ING1: variants seen among roughly 807,000 people sequenced by gnomAD.
The protein encoded by ING1 is inhibitor of growth protein 1.
ING1 carries 4 observed loss-of-function variants against 23.1 expected under a neutral mutation model. The ratio of observed to expected loss-of-function variants is 0.17; its 90% CI spans 0.09 to 0.40. ING1 has a LOEUF of 0.40. ING1 is among the 10% of genes least tolerant of loss of function. ING1 has a pLI of 1.00. For synonymous variants in ING1, 179 were observed against 166.4 expected, an observed-to-expected ratio of 1.08 and a Z score of -0.58; for missense variants, 256 against 393.8, an observed-to-expected ratio of 0.65 and a Z score of 2.96.
rs762064751 is a variant in ING1 at position 110,719,600 on chromosome 13, G to C, written c.508G>C (p.Asp170His). The change falls in exon 2 of 2, where the codon GAC becomes CAC. Residue 170 changes from aspartate (D) to histidine (H), a missense_variant. Transcript: ENST00000333219. The surrounding 1 kb of genome is among the most constrained non-coding windows in gnomAD (Gnocchi z 8.9). ...ENASSNHDHD[D>H]GASGTPKEKK... is the part of the protein sequence containing the mutation. Reference sequence around the variant, plus strand: ...CGCGTCCAGCAACCACGACCACGACGACGGCGCCTCGGGCACACCCAAGGA... The same window carrying C: ...CGCGTCCAGCAACCACGACCACGACCACGGCGCCTCGGGCACACCCAAGGA... 1.9e-6 allele frequency: 3 copies of C among 1,611,678 alleles called. No individual in the cohort carries two copies. The highest frequency in any genetic ancestry group is 2.5e-6 in the Non-Finnish European group (3 of 1,179,450).
rs1433361573 is a variant in ING1, at chr13:110,714,674, G to C, written c.136+389G>C. Among the ~76,000 whole-genome samples the C allele has an allele frequency of 2.6e-5, 4 of 152,222 alleles. No individual in the cohort carries two copies. The South Asian group carries it at 6.2e-4, about 24-fold the overall frequency. On this transcript the variant is annotated intron_variant, in intron 1 of 1. Transcript: ENST00000333219. ...GCCTGGGGCTATAGGGCGCCGAGACGGGGCTGCAGGAGGAGGGCGGCTGTG... is the reference window on the plus strand; with the variant it reads ...GCCTGGGGCTATAGGGCGCCGAGACCGGGCTGCAGGAGGAGGGCGGCTGTG...
chr13:110,712,863 T>A, upstream of ING1: 1 of 1,279,048 alleles, frequency 7.8e-7, no homozygotes, highest in South Asian at 1.3e-5. Flanking sequence ...CCCCTTTGTC[T>A]CCAAGCCGTT....
At position 110,719,872 on chromosome 13, in the gene ING1, C is replaced by T. The variant is rs748124745; in HGVS notation, c.780C>T (p.Asn260=). The T allele has an allele frequency of 6.8e-6, 11 of 1,612,656 alleles. No homozygotes were observed. The South Asian group carries it at 8.8e-5, about 13-fold the overall frequency. ...ACTGTCCCAAGTGCCGGGGGGAGAA[C>T]GAGAAGACCATGGACAAAGCCCTGG... is the stretch of plus-strand genomic sequence containing the variant. The part of the protein sequence containing the change: ...KWYCPKCRGE[N]EKTMDKALEK... Residue 260 remains asparagine (N), a synonymous_variant, in exon 2 of 2, where the codon AAC becomes AAT. Transcript: ENST00000333219. The surrounding 1 kb of genome is among the most constrained non-coding windows in gnomAD (Gnocchi z 8.9).
At chr13:110,712,696 T>A (rs1322483541), upstream of ING1, 6 of 682,358 alleles carry the variant, frequency 8.8e-6, no homozygotes, top group African/African-American at 5.3e-5. Flanking sequence ...CGACCGGGTG[T>A]CTGCATACTG....
At chr13:110,716,521 C>G (rs1156995623) in intron 1 of ING1, among the ~76,000 whole-genome samples, 1 of 152,160 alleles carries the variant, frequency 6.6e-6, no homozygotes, top group Non-Finnish European at 1.5e-5. Context: ...TATGTTAATT[C>G]ATAAACTTGG....
chr13:110,715,787 A>G, intron 1 of ING1: 1 of 1,592,268 alleles, frequency 6.3e-7, no homozygotes, highest in Non-Finnish European at 8.5e-7. Context: ...CCTCCTCCCC[A>G]TTGGCTGGAG....
chr13:110,713,594 G>A (rs900361524), upstream of ING1: 84 of 985,650 alleles, frequency 8.5e-5, no homozygotes, highest in South Asian at 3.3e-4. Context: ...ACGGTGAGGG[G>A]CGTGAATGCG....
At position 110,721,933 on chromosome 13, in the gene ING1, C is replaced by T. The variant is rs952490384; in HGVS notation, c.*2001C>T. On this transcript the variant is annotated 3_prime_UTR_variant, in exon 2 of 2. Coordinates refer to ENST00000333219, the MANE Select transcript of ING1 (RefSeq NM_198219.3). ...ATCAGTTTCTTTCCATGATCTGTTT[C>T]ACAGTCTCTGTGAAGCTACCTACCA... The T allele has an allele frequency of 1.3e-5, 2 of 152,202 alleles. No individual in the cohort carries two copies. The highest frequency in any genetic ancestry group is 2.9e-5 in the Non-Finnish European group (2 of 68,040). 9.4% of individuals were successfully genotyped at this position (152,202 alleles called of 1,614,324 possible).
Position 110,722,047 on chromosome 13 carries a change from C to T in ING1, c.*2115C>T, listed in dbSNP as rs1252997641. 1.3e-5 allele frequency: 2 copies of T among 152,120 alleles called. No homozygotes were observed. Among genetic ancestry groups the T allele is most frequent in the African/African-American group, 2.4e-5 (1 of 41,404 alleles). The allele number at this position is 152,120 out of a possible 1,614,324, so 9.4% of individuals were successfully genotyped here. ...AAACATTAAGTTTGCTGATTGTTTACTTGTGATAAACAATTATTGTGAACT... is the reference window on the plus strand; with the variant it reads ...AAACATTAAGTTTGCTGATTGTTTATTTGTGATAAACAATTATTGTGAACT... On this transcript the variant is annotated 3_prime_UTR_variant, in exon 2 of 2. Transcript: ENST00000333219.
Position 110,715,837 on chromosome 13 carries a change from C to T in ING1, c.136+1552C>T, listed in dbSNP as rs775860197. 3.1e-6 allele frequency: 5 copies of T among 1,590,310 alleles called. No individual in the cohort carries two copies. The highest frequency in any genetic ancestry group is 1.3e-5 in the African/African-American group (1 of 74,326). Reference sequence around the variant, plus strand: ...GCCCCGGCCCCTCTCCCCGCTCAGCCCGGCCACTTTCGGGCGCGGATTTAT... The same window carrying T: ...GCCCCGGCCCCTCTCCCCGCTCAGCTCGGCCACTTTCGGGCGCGGATTTAT... On this transcript the variant is annotated intron_variant, in intron 1 of 1. Transcript: ENST00000333219.
In ING1 at chr13:110,714,132, G is replaced by A; in HGVS notation, c.-18G>A. ...GCGGAAAGCCGCGCCGAGTCGCCGG[G>A]GACCTCCGGGGTGAACCATGTTGAG... is the stretch of plus-strand genomic sequence containing the variant. On this transcript the variant is annotated 5_prime_UTR_variant, in exon 1 of 2. Transcript: ENST00000333219. 1 of 1,509,376 alleles carries A rather than the reference G, an allele frequency of 6.6e-7. No individual in the cohort carries two copies. Among genetic ancestry groups the A allele is most frequent in the Non-Finnish European group, 8.9e-7 (1 of 1,127,450 alleles). The allele number at this position is 1,509,376 out of a possible 1,614,324, so 93.5% of individuals were successfully genotyped here. A position where few individuals can be genotyped will look rare whatever the true frequency, so the allele number is the denominator to read the frequency against.
intron 1 of ING1, among the ~76,000 whole-genome samples, chr13:110,717,674 A>G (rs2064135652): frequency 6.6e-6 from 1 of 152,314 alleles, no homozygotes; most frequent in African/African-American, 2.4e-5. Flanking sequence ...CTGAAAATAC[A>G]GAATTAGCCG....
chr13:110,713,380 T>A, upstream of ING1: 28 of 1,046,104 alleles, frequency 2.7e-5, no homozygotes, highest in Non-Finnish European at 3.2e-5. Flanking sequence ...CTCCCCTGCG[T>A]TTCCCAGCGG....
At chr13:110,715,774 T>C (rs1376316624) in intron 1 of ING1, 2 of 1,589,558 alleles carry the variant, frequency 1.3e-6, no homozygotes, top group East Asian at 4.5e-5. Flanking sequence ...AGTCTCCCGC[T>C]GGCCTCCTCC....
intron 1 of ING1, chr13:110,715,392 T>G: frequency 6.6e-7 from 1 of 1,511,000 alleles, no homozygotes; most frequent in Non-Finnish European, 8.8e-7. Context: ...TATAGGAACT[T>G]CATTAGCATA....
At chr13:110,714,407 C>A (rs1413961745) in intron 1 of ING1, 122 bp downstream of exon 1, 2 of 960,978 alleles carry the variant, frequency 2.1e-6, no homozygotes, top group Non-Finnish European at 2.7e-6. Flanking sequence ...CAGCGGCGGC[C>A]CTCGGCAGGG....
At chr13:110,716,151 TC>T (rs1349202433) in intron 1 of ING1, 11 of 836,826 alleles carry the variant, frequency 1.3e-5, no homozygotes, top group Middle Eastern at 3.9e-4. Context: ...ACCACTTTGA[TC>T]GTTCGACGAT....
At position 110,720,080 on chromosome 13, in the gene ING1, TTC is replaced by T. The variant is rs1268636585; in HGVS notation, c.*150_*151del. The T allele has an allele frequency of 4.8e-6, 3 of 626,376 alleles. No homozygotes were observed. Among genetic ancestry groups the T allele is most frequent in the Non-Finnish European group, 8.0e-6 (3 of 376,820 alleles). The allele number at this position is 626,376 out of a possible 1,614,324, so 38.8% of individuals were successfully genotyped here. On this transcript the variant is annotated 3_prime_UTR_variant, in exon 2 of 2. Transcript: ENST00000333219. The stretch of plus-strand genomic sequence containing the variant: ...ATTCCTTTCATAGGGATGGCAGTGA[TTC>T]TGTTTGCCTTTTGTTTTCATTGGTA...
chr13:110,713,265 CA>C (rs1241452027), upstream of ING1: 3 of 1,327,502 alleles, frequency 2.3e-6, no homozygotes, highest in Admixed American at 3.4e-5. Flanking sequence ...GACGAAGAGT[CA>C]GGGGCTGAGG....
Sources: allele counts gnomAD v4.1 joint callset (sites outside exome capture counted in the v4.1 genomes callset), GRCh38; gene constraint gnomAD v4.1.1; non-coding constraint Gnocchi (gnomAD v3.1); transcripts MANE v1.5; gene names NCBI Gene and HGNC (gene_info 2026-07-23, HGNC 2026-07-21).